RASSF3: variants seen among roughly 807,000 people sequenced by gnomAD.
RASSF3 encodes Ras association domain family member 3.
In RASSF3, 19 loss-of-function variants were observed where a neutral mutation model predicts 19.9. The observed-to-expected ratio is 0.96, with a 90% CI of 0.67 to 1.40. The LOEUF (loss-of-function observed/expected upper bound fraction) is 1.40. RASSF3 is among the 40% of genes most tolerant of loss of function. The pLI, the probability that RASSF3 is intolerant of heterozygous loss-of-function variation, is 0.00. For synonymous variants in RASSF3, 110 were observed against 104.2 expected (o/e 1.06, Z -0.34); for missense variants, 306 against 289.8 (o/e 1.06, Z -0.41).
chr12:64,623,229 T>A (rs1870856283), intron 1 of RASSF3, among the ~76,000 whole-genome samples: 1 of 152,176 alleles, frequency 6.6e-6, no homozygotes, highest in Non-Finnish European at 1.5e-5. Flanking sequence ...AACAACATAG[T>A]TAAATATATC....
At chr12:64,512,644 G>A (rs1259250879) in intron 1 of RASSF3, among the ~76,000 whole-genome samples, 1 of 152,086 alleles carries the variant, frequency 6.6e-6, no homozygotes, top group Non-Finnish European at 1.5e-5. Flanking sequence ...ATATTATCAA[G>A]CCATTGTAAT....
intron 2 of RASSF3, among the ~76,000 whole-genome samples, chr12:64,595,473 C>T (rs185939510): frequency 1.5e-4 from 23 of 152,318 alleles, no homozygotes; most frequent in African/African-American, 4.8e-4. Flanking sequence ...ACCACCTTCT[C>T]CAGGACTTAT....
intron 1 of RASSF3, among the ~76,000 whole-genome samples, chr12:64,648,393 G>A (rs2136188609): frequency 6.6e-6 from 1 of 152,272 alleles, no homozygotes; most frequent in Middle Eastern, 3.4e-3. Context: ...CTGGGCTGGA[G>A]AAAATGGACA....
At chr12:64,538,523 C>T (rs1423570988) in intron 1 of RASSF3, among the ~76,000 whole-genome samples, 1 of 152,092 alleles carries the variant, frequency 6.6e-6, no homozygotes, top group Non-Finnish European at 1.5e-5. Flanking sequence ...GCTCTAATTG[C>T]CACCCTTTTA....
At chr12:64,679,842 A>G (rs1008208561) in intron 1 of RASSF3, among the ~76,000 whole-genome samples, 1 of 152,186 alleles carries the variant, frequency 6.6e-6, no homozygotes, top group Admixed American at 6.5e-5. Flanking sequence ...CTTGTAACTC[A>G]CCAAGCAGAC....
chr12:64,564,233 G>T (rs2136126925), intron 2 of RASSF3, among the ~76,000 whole-genome samples: 1 of 152,310 alleles, frequency 6.6e-6, no homozygotes, highest in Admixed American at 6.5e-5. Flanking sequence ...AATGGAGTCT[G>T]CATAATTTCT....
intron 1 of RASSF3, among the ~76,000 whole-genome samples, chr12:64,526,825 C>T (rs781773237): frequency 5.9e-5 from 9 of 152,222 alleles, no homozygotes; most frequent in Non-Finnish European, 1.2e-4. Flanking sequence ...GGATTACAGG[C>T]GTGAGCCACT....
Position 64,673,169 on chromosome 12 carries a change from C to G in RASSF3, c.112-11618C>G, listed in dbSNP as rs568382468. On this transcript the variant is annotated intron_variant, in intron 1 of 4. Transcript: ENST00000542104. ...TTAATAAAAACTGGTTTTTTAAACC[C>G]AGCCAACCTGAATGAGTGGACTATG... Among the ~76,000 whole-genome samples, 8 of 152,268 alleles carry G rather than the reference C, an allele frequency of 5.3e-5. No homozygotes were observed. The East Asian group carries it at 1.5e-3, about 29-fold the overall frequency.
chr12:64,613,807 G>A (rs1208143747), intron 1 of RASSF3, among the ~76,000 whole-genome samples: 1 of 151,896 alleles, frequency 6.6e-6, no homozygotes, highest in Non-Finnish European at 1.5e-5. Context: ...AATTAGTCAG[G>A]CATGGTGGTG....
At chr12:64,662,136 A>G (rs906366439) in intron 1 of RASSF3, among the ~76,000 whole-genome samples, 19 of 151,790 alleles carry the variant, frequency 1.3e-4, no homozygotes, top group African/African-American at 4.4e-4. Context: ...AATAAGATAA[A>G]TGCTGGGTGT....
chr12:64,534,217 C>T (rs897519426), intron 1 of RASSF3, among the ~76,000 whole-genome samples: 1 of 151,790 alleles, frequency 6.6e-6, no homozygotes, highest in African/African-American at 2.4e-5. Context: ...GCTATCATTG[C>T]ACCACTGCAC....
chr12:64,682,427 C>T (rs1056648807), intron 1 of RASSF3, among the ~76,000 whole-genome samples: 1 of 151,934 alleles, frequency 6.6e-6, no homozygotes, highest in Non-Finnish European at 1.5e-5. Context: ...ATTAGCCGGG[C>T]GTGGTGGCGG....
chr12:64,586,491 GAAAAAA>G (rs10708538), intron 2 of RASSF3, among the ~76,000 whole-genome samples: 1,206 of 70,176 alleles, frequency 0.017, 7 homozygotes, highest in Non-Finnish European at 0.023. Context: ...CTCCTTCTCA[GAAAAAA>G]AAAAAAAAAA....
chr12:64,568,558 C>T (rs74098250), intron 2 of RASSF3, among the ~76,000 whole-genome samples: 1,685 of 152,166 alleles, frequency 0.011, 31 homozygotes, highest in African/African-American at 0.039. Context: ...CCTCTGTCTC[C>T]GAACAGTTTC....
intron 1 of RASSF3, among the ~76,000 whole-genome samples, chr12:64,641,408 A>G (rs1871515399): frequency 7.3e-6 from 1 of 136,786 alleles, no homozygotes; most frequent in Admixed American, 7.1e-5. Flanking sequence ...AGGCGCACAC[A>G]CACACACGCG....
intron 1 of RASSF3, among the ~76,000 whole-genome samples, chr12:64,643,116 TCACC>T (rs1239772130): frequency 1.4e-5 from 2 of 145,436 alleles, no homozygotes; most frequent in Admixed American, 6.8e-5. Context: ...CCCACCCGCC[TCACC>T]CTCCCAAAGT....
At chr12:64,572,645 A>G (rs191248263) in intron 2 of RASSF3, among the ~76,000 whole-genome samples, 42 of 152,286 alleles carry the variant, frequency 2.8e-4, no homozygotes, top group East Asian at 1.9e-3. Flanking sequence ...ATAGGGCCCA[A>G]TAAATATTTA....
intron 1 of RASSF3, among the ~76,000 whole-genome samples, chr12:64,662,255 C>CA (rs11331285): frequency 6.0e-4 from 85 of 140,950 alleles, no homozygotes; most frequent in East Asian, 1.9e-3. Context: ...CCCGTATCTA[C>CA]AAAAAAAAAA....
intron 1 of RASSF3, among the ~76,000 whole-genome samples, chr12:64,659,068 A>C (rs1872254751): frequency 6.6e-6 from 1 of 152,118 alleles, no homozygotes; most frequent in Non-Finnish European, 1.5e-5. Context: ...AAAAAGAACA[A>C]ATTGTGGAAG....
Sources: gnomAD v4.1 joint callset for allele counts (sites outside exome capture counted in the v4.1 genomes callset) on GRCh38, gnomAD v4.1.1 for gene constraint, MANE v1.5 for transcripts, NCBI Gene and HGNC (gene_info 2026-07-23, HGNC 2026-07-21) for gene names.